The following DLGAP2 variants were observed in gnomAD, a reference collection of about 807,000 sequenced individuals.
The protein encoded by DLGAP2 is DLG associated protein 2.
In DLGAP2, 26 loss-of-function variants were observed where a neutral mutation model predicts 100.3. That is an observed-to-expected ratio of 0.26 (90% CI 0.19 to 0.36). DLGAP2 has a LOEUF of 0.36. Ranked by LOEUF, DLGAP2 falls within the 10% of genes least tolerant of loss-of-function variation. The pLI is 1.00. For synonymous variants in DLGAP2, 886 were observed against 630.1 expected (o/e 1.41, Z -6.08); for missense variants, 1,858 against 1,453.2 (o/e 1.28, Z -4.53).
intron 1 of DLGAP2, among the ~76,000 whole-genome samples, chr8:744,969 C>T (rs929993622): frequency 3.9e-5 from 6 of 152,128 alleles, no homozygotes; most frequent in African/African-American, 7.2e-5. Flanking sequence ...GCAGAGATGG[C>T]GGGAAGGGGT....
At chr8:961,027 G>C (rs1024462846) in intron 2 of DLGAP2, among the ~76,000 whole-genome samples, 7 of 149,784 alleles carry the variant, frequency 4.7e-5, no homozygotes, top group Non-Finnish European at 1.5e-5. Flanking sequence ...AAGGGATTCT[G>C]CACAGACCCC....
Position 1,548,997 on chromosome 8 carries a change from G to A in DLGAP2, c.544G>A (p.Gly182Ser), listed in dbSNP as rs954517480. 1.3e-6 allele frequency: 2 copies of A among 1,599,120 alleles called. No individual in the cohort carries two copies. Among genetic ancestry groups the A allele is most frequent in the Non-Finnish European group, 1.7e-6 (2 of 1,179,022 alleles). Residue 182 changes from glycine (G) to serine (S), a missense_variant, in exon 5 of 15, where the codon GGC becomes AGC. By Grantham distance (56) the Gly-to-Ser change is moderately conservative. Transcript: ENST00000637795. ...CGACGACTGCGCTGTGGCCCACGCG[G>A]GCGCCAAGATCAACCGCATCCCGGC... is the stretch of plus-strand genomic sequence containing the variant. ...TRDDCAVAHAGAKINRIPANL... is the reference protein window; with the variant it reads ...TRDDCAVAHASAKINRIPANL...
intron 3 of DLGAP2, among the ~76,000 whole-genome samples, chr8:1,449,162 A>T (rs146430871): frequency 8.9e-4 from 136 of 152,286 alleles, no homozygotes; most frequent in African/African-American, 2.8e-3. Flanking sequence ...GGGGAAAGTC[A>T]CTTATATGAT....
intron 8 of DLGAP2, among the ~76,000 whole-genome samples, chr8:1,659,748 G>T (rs1222255700): frequency 6.6e-6 from 1 of 152,098 alleles, no homozygotes; most frequent in Non-Finnish European, 1.5e-5. Flanking sequence ...TTGCACATGA[G>T]ATGGGTCTCC....
intron 3 of DLGAP2, among the ~76,000 whole-genome samples, chr8:1,437,597 G>A (rs183518208): frequency 4.6e-4 from 70 of 152,214 alleles, no homozygotes; most frequent in African/African-American, 1.5e-3. Context: ...AATTCCTTTT[G>A]TGATTCCTAA....
At chr8:899,866 T>TC (rs1798215402) in intron 1 of DLGAP2, among the ~76,000 whole-genome samples, 1 of 152,198 alleles carries the variant, frequency 6.6e-6, no homozygotes, top group African/African-American at 2.4e-5. Context: ...GACACACCAC[T>TC]TATTTGTTAT....
At chr8:1,683,852 ATATATGTGTGTG>A (rs1490672321) in intron 12 of DLGAP2, among the ~76,000 whole-genome samples, 2 of 72,600 alleles carry the variant, frequency 2.8e-5, no homozygotes, top group East Asian at 9.7e-4. Context: ...ATATATATAT[ATATATGTGTGTG>A]TGTGTGTGTG....
At chr8:1,435,893 T>G (rs1797607300) in intron 3 of DLGAP2, among the ~76,000 whole-genome samples, 1 of 151,794 alleles carries the variant, frequency 6.6e-6, no homozygotes, top group Admixed American at 6.6e-5. Flanking sequence ...AATTTAAAAA[T>G]TAAAGATTAA....
chr8:1,501,326 A>G, intron 3 of DLGAP2, 40 bp from the exon 4 acceptor site: 1 of 1,534,784 alleles, frequency 6.5e-7, no homozygotes. Context: ...AGTCTACACC[A>G]GAAACGCATT....
At chr8:1,025,923 T>C (rs1166126359) in intron 2 of DLGAP2, among the ~76,000 whole-genome samples, 1 of 152,102 alleles carries the variant, frequency 6.6e-6, no homozygotes, top group East Asian at 1.9e-4. Context: ...GAAAGTTCCG[T>C]AGAGTTTCTA....
intron 1 of DLGAP2, among the ~76,000 whole-genome samples, chr8:900,348 G>C (rs1798227925): frequency 6.6e-6 from 1 of 151,650 alleles, no homozygotes; most frequent in African/African-American, 2.4e-5. Flanking sequence ...TGGACGGTGG[G>C]CGCCCTCCTC....
chr8:794,099 G>A (rs566463372), intron 1 of DLGAP2, among the ~76,000 whole-genome samples: 2 of 151,640 alleles, frequency 1.3e-5, no homozygotes, highest in South Asian at 2.1e-4. Flanking sequence ...GTTTCTAGCT[G>A]CAGGACAGGG....
chr8:1,242,967 C>G (rs1218181009), intron 2 of DLGAP2, among the ~76,000 whole-genome samples: 1 of 152,080 alleles, frequency 6.6e-6, no homozygotes, highest in African/African-American at 2.4e-5. Flanking sequence ...AGAACTTTCT[C>G]TGATGACTCA....
intron 3 of DLGAP2, among the ~76,000 whole-genome samples, chr8:1,467,921 A>G (rs2130185027): frequency 6.6e-6 from 1 of 152,382 alleles, no homozygotes; most frequent in South Asian, 2.1e-4. Context: ...TTCACTAAAC[A>G]TAAATAAATA....
intron 2 of DLGAP2, among the ~76,000 whole-genome samples, chr8:1,144,893 C>G (rs1481030633): frequency 2.6e-5 from 4 of 151,550 alleles, no homozygotes; most frequent in Non-Finnish European, 3.0e-5. Context: ...GGCCTGTACC[C>G]ACAGTCAAAC....
At chr8:1,074,741 C>T (rs944143917) in intron 2 of DLGAP2, among the ~76,000 whole-genome samples, 5 of 152,172 alleles carry the variant, frequency 3.3e-5, no homozygotes, top group African/African-American at 1.2e-4. Flanking sequence ...ACCAGGTCGT[C>T]AAGGCGTGGG....
intron 2 of DLGAP2, among the ~76,000 whole-genome samples, chr8:1,176,962 G>A (rs987492156): frequency 6.6e-6 from 1 of 152,218 alleles, no homozygotes; most frequent in Non-Finnish European, 1.5e-5. Flanking sequence ...GAGCAAGCAA[G>A]TCACGGTTCA....
chr8:1,025,466 A>G (rs1365298536), intron 2 of DLGAP2, among the ~76,000 whole-genome samples: 1 of 152,198 alleles, frequency 6.6e-6, no homozygotes, highest in Admixed American at 6.5e-5. Flanking sequence ...TATGACTACA[A>G]AGTAATTATA....
At chr8:980,336 C>G (rs12682160) in intron 2 of DLGAP2, among the ~76,000 whole-genome samples, 19,124 of 152,206 alleles carry the variant, frequency 0.13, 1,572 homozygotes, top group African/African-American at 0.22. Flanking sequence ...ATGCTTTGGG[C>G]TATTGATGGC....
Sources: allele counts gnomAD v4.1 joint callset (sites outside exome capture counted in the v4.1 genomes callset), GRCh38; gene constraint gnomAD v4.1.1; transcripts MANE v1.5; gene names NCBI Gene and HGNC (gene_info 2026-07-23, HGNC 2026-07-21).